Variants in PMS2 observed in about 807,000 individuals in gnomAD.
PMS2 encodes mismatch repair endonuclease PMS2.
In PMS2, 69 loss-of-function variants were observed where a neutral mutation model predicts 90.0. The observed-to-expected ratio is 0.77, with a 90% CI of 0.63 to 0.94. The LOEUF (loss-of-function observed/expected upper bound fraction) is 0.94. Ranked by LOEUF, PMS2 falls within the 40% of genes least tolerant of loss-of-function variation. The probability of loss-of-function intolerance (pLI) is 0.00; values close to 1 mark genes in which losing one functional copy is unlikely to be tolerated. For missense variants in PMS2, 966 were observed against 1,040.2 expected, an observed-to-expected ratio of 0.93 and a Z score of 0.98; for synonymous variants, 332 against 375.1, an observed-to-expected ratio of 0.89 and a Z score of 1.33.
chr7:5,987,826 A>AG (rs1055375740), intron 10 of PMS2, among the ~76,000 whole-genome samples: 6 of 152,112 alleles, frequency 3.9e-5, no homozygotes, highest in Non-Finnish European at 8.8e-5. Flanking sequence ...AGGCCAAGGC[A>AG]GGGGGATCAC....
chr7:6,004,715 C>CAAAAAAAAA (rs71008347), intron 2 of PMS2, among the ~76,000 whole-genome samples: 1 of 96,542 alleles, frequency 1.0e-5, no homozygotes. Context: ...AACTCTATCT[C>CAAAAAAAAA]AAAAAAAAAA....
chr7:5,978,949 C>G (rs1053640177), intron 12 of PMS2, among the ~76,000 whole-genome samples: 1 of 148,914 alleles, frequency 6.7e-6, no homozygotes, highest in African/African-American at 2.5e-5. Flanking sequence ...AATCTCAGCA[C>G]TTTAGGAGCC....
intron 2 of PMS2, among the ~76,000 whole-genome samples, chr7:6,005,505 A>G (rs543060808): frequency 1.3e-5 from 2 of 152,190 alleles, no homozygotes; most frequent in South Asian, 4.1e-4. Flanking sequence ...TGCCTGGCCT[A>G]CTTTATTTTT....
chr7:6,005,014 C>T (rs1482909410), intron 2 of PMS2, among the ~76,000 whole-genome samples: 3 of 151,634 alleles, frequency 2.0e-5, no homozygotes, highest in Admixed American at 6.6e-5. Flanking sequence ...AAGCAATTCT[C>T]CTCCTTCAGC....
intron 12 of PMS2, 50 bp downstream of exon 12, chr7:5,982,774 A>G: frequency 6.2e-7 from 1 of 1,610,500 alleles, no homozygotes; most frequent in Non-Finnish European, 8.5e-7. Flanking sequence ...GGCCTCTATT[A>G]GATCTTCAAT....
In PMS2 at chr7:6,003,984, A is replaced by C; in HGVS notation, c.238T>G (p.Phe80Val). Reference protein sequence around the residue: ...DNGCGVEEENFEGLTLKHHTS... With the variant: ...DNGCGVEEENVEGLTLKHHTS... ...AAAGTCAACTTACTTAAGCCTTCGA[A>C]GTTTTCTTCTTCTACCCCACATCCA... Residue 80 changes from phenylalanine to valine, a missense_variant, in exon 3 of 15, where the codon TTC becomes GTC. Phe to Val is a conservative substitution (Grantham distance 50). This residue lies in a region of PMS2 where 871 missense variants were observed against 802.4 expected (regional missense o/e 1.09). Transcript: ENST00000265849. 6.3e-7 allele frequency: 1 copy of C among 1,598,074 alleles called. No homozygotes were observed. The highest frequency in any genetic ancestry group is 8.6e-7 in the Non-Finnish European group (1 of 1,167,262).
At position 6,002,640 on chromosome 7, in the gene PMS2, T is replaced by A. The variant is rs2128819518; in HGVS notation, c.354-4A>T. 6.2e-7 allele frequency: 1 copy of A among 1,609,590 alleles called. No homozygotes were observed. The highest frequency in any genetic ancestry group is 1.1e-5 in the South Asian group (1 of 90,942). On this transcript the variant is annotated splice_polypyrimidine_tract_variant and splice_region_variant and intron_variant, in intron 4 of 14. Transcript: ENST00000265849. ...GCAGGTAGAAATGGTGACATCGCTGTGAGAGAATACCAGGCATGGTGTGTT... is the reference window on the plus strand; with the variant it reads ...GCAGGTAGAAATGGTGACATCGCTGAGAGAGAATACCAGGCATGGTGTGTT...
intron 12 of PMS2, among the ~76,000 whole-genome samples, chr7:5,978,965 C>T (rs1782024070): frequency 6.7e-6 from 1 of 148,826 alleles, no homozygotes; most frequent in Non-Finnish European, 1.5e-5. Flanking sequence ...GAGCCCGAGG[C>T]AGGCAGATCT....
At chr7:6,000,920 G>C (rs1439238443) in intron 5 of PMS2, among the ~76,000 whole-genome samples, 1 of 152,154 alleles carries the variant, frequency 6.6e-6, no homozygotes, top group Non-Finnish European at 1.5e-5. Flanking sequence ...GAACCCAGGA[G>C]GTGGAGGTTG....
Position 6,003,956 on chromosome 7 carries a change from GAA to G in PMS2, c.250+14_250+15del. The G allele has an allele frequency of 6.5e-7, 1 of 1,529,812 alleles. No homozygotes were observed. The allele number at this position is 1,529,812 out of a possible 1,614,324, so 94.8% of individuals were successfully genotyped here. A position where few individuals can be genotyped will look rare whatever the true frequency, so the allele number is the denominator to read the frequency against. On this transcript the variant is annotated intron_variant, in intron 3 of 14. Transcript: ENST00000265849. ...ACCCAATTATTTTATAATAGGATTA[GAA>G]AAAGTCAACTTACTTAAGCCTTCGA... is the stretch of plus-strand genomic sequence containing the variant.
chr7:5,990,610 T>A (rs575836072), intron 9 of PMS2, among the ~76,000 whole-genome samples: 2 of 152,326 alleles, frequency 1.3e-5, no homozygotes, highest in Non-Finnish European at 2.9e-5. Flanking sequence ...TAGTACATTA[T>A]AGGTAGGTGT....
intron 3 of PMS2, 71 bp from the exon 4 acceptor site, chr7:6,003,863 G>A: frequency 7.9e-7 from 1 of 1,264,906 alleles, no homozygotes; most frequent in Non-Finnish European, 1.2e-6. Flanking sequence ...ATGATATCTA[G>A]TAACTGGCTT....
intron 11 of PMS2, among the ~76,000 whole-genome samples, chr7:5,983,841 A>G (rs1429047329): frequency 2.0e-5 from 3 of 151,472 alleles, no homozygotes; most frequent in Admixed American, 2.0e-4. Flanking sequence ...TAGTAGAGAC[A>G]AGGTTTCACC....
Position 5,989,818 on chromosome 7 carries a change from G to A in PMS2, c.1126C>T (p.Pro376Ser), listed in dbSNP as rs730881911. The A allele has an allele frequency of 1.4e-5, 23 of 1,612,042 alleles. No homozygotes were observed. Among genetic ancestry groups the A allele is most frequent in the East Asian group, 2.2e-5 (1 of 44,800 alleles). ...DVNKLNVSQQ[P>S]LLDVEGNLIK... is the part of the protein sequence containing the mutation. ...TTCTTACCTTCAACATCCAGCAGTG[G>A]CTGCTGACTGACATTTAGCTTGTTG... The change falls in exon 10 of 15, where the codon CCA becomes TCA. Residue 376 changes from proline to serine, a missense_variant. Coordinates refer to ENST00000265849, the MANE Select transcript of PMS2 (RefSeq NM_000535.7).
At chr7:5,979,715 C>A (rs1782125342) in intron 12 of PMS2, among the ~76,000 whole-genome samples, 1 of 136,080 alleles carries the variant, frequency 7.3e-6, no homozygotes, top group Non-Finnish European at 1.6e-5. Flanking sequence ...GAGACAGGGT[C>A]TCACTATGTT....
intron 5 of PMS2, 46 bp from the exon 6 acceptor site, chr7:5,999,321 A>T: frequency 6.5e-7 from 1 of 1,533,458 alleles, no homozygotes; most frequent in Non-Finnish European, 9.0e-7. Flanking sequence ...CTTTAATATT[A>T]TAGGAATTAC....
rs1312907679 is a variant in PMS2, at chr7:5,973,063, G to C, written c.*336C>G. 7.5e-6 allele frequency among the ~76,000 whole-genome samples: 1 copy of C among 132,508 alleles called. No individual in the cohort carries two copies. Among genetic ancestry groups the C allele is most frequent in the East Asian group, 2.4e-4 (1 of 4,190 alleles). 86.9% of individuals were successfully genotyped at this position (132,508 alleles called of 152,430 possible). A position where few individuals can be genotyped will look rare whatever the true frequency, so the allele number is the denominator to read the frequency against. ...TCTCCATGTTGGTCAGGCTGGTCTC[G>C]AACTTCTGATCTCAGGTGATCCGCC... On this transcript the variant is annotated 3_prime_UTR_variant, in exon 15 of 15. Transcript: ENST00000265849.
chr7:5,977,664 A>G lies in PMS2; in HGVS notation c.2369T>C (p.Leu790Pro), dbSNP rs2128673550. Reference sequence around the variant, plus strand: ...GCACATGACCCCAGGGCTGTCGCTCAGCATGAAGATCAGTTCATCGACGTC... The same window carrying G: ...GCACATGACCCCAGGGCTGTCGCTCGGCATGAAGATCAGTTCATCGACGTC... ...PQDVDELIFMLSDSPGVMCRP... is the reference protein window; with the variant it reads ...PQDVDELIFMPSDSPGVMCRP... The change falls in exon 14 of 15, where the codon CTG becomes CCG. Residue 790 changes from leucine to proline, a missense_variant. By Grantham distance (98) the Leu-to-Pro change is moderately conservative (BLOSUM62 -3). Around this residue, in one of 2 missense-constraint regions of PMS2, gnomAD observed 95 missense variants for 237.8 expected, o/e 0.40. Coordinates refer to ENST00000265849, the MANE Select transcript of PMS2 (RefSeq NM_000535.7). The G allele has an allele frequency of 1.2e-6, 2 of 1,605,780 alleles. No individual in the cohort carries two copies. The highest frequency in any genetic ancestry group is 1.7e-6 in the Non-Finnish European group (2 of 1,174,592).
At chr7:5,981,050 T>C (rs1429305205) in intron 12 of PMS2, among the ~76,000 whole-genome samples, 1 of 151,652 alleles carries the variant, frequency 6.6e-6, no homozygotes, top group Non-Finnish European at 1.5e-5. Context: ...GTGGTTTAAT[T>C]TCCCACACGA....
Sources: gnomAD v4.1 joint callset for allele counts (sites outside exome capture counted in the v4.1 genomes callset) on GRCh38, gnomAD v4.1.1 for gene constraint, gnomAD v4.1.1 regional missense constraint, MANE v1.5 for transcripts, NCBI Gene and HGNC (gene_info 2026-07-23, HGNC 2026-07-21) for gene names.